B4GALNT4: variants seen among roughly 807,000 people sequenced by gnomAD.
The protein encoded by B4GALNT4 is beta-1,4-N-acetyl-galactosaminyltransferase 4.
B4GALNT4 carries 77 observed loss-of-function variants against 110.0 expected under a neutral mutation model. The observed-to-expected ratio is 0.70, with a 90% CI of 0.58 to 0.85. The LOEUF (loss-of-function observed/expected upper bound fraction) is 0.85. Among genes scored for constraint, B4GALNT4 ranks in the 40% least tolerant of loss-of-function variants. The pLI is 0.00. For synonymous variants in B4GALNT4, 785 were observed against 655.5 expected, an observed-to-expected ratio of 1.20 and a Z score of -3.02; for missense variants, 1,575 against 1,506.0, an observed-to-expected ratio of 1.05 and a Z score of -0.76.
intron 8 of B4GALNT4, 64 bp downstream of exon 8, chr11:373,892 A>G: frequency 1.3e-6 from 2 of 1,515,842 alleles, no homozygotes; most frequent in Non-Finnish European, 1.8e-6. Context: ...CTGCAGGACA[A>G]CCGCAATGGG....
chr11:376,586 C>A lies in B4GALNT4; in HGVS notation c.1463C>A (p.Pro488His), dbSNP rs1274390258. The A allele has an allele frequency of 1.5e-6, 2 of 1,359,576 alleles. No homozygotes were observed. Among genetic ancestry groups the A allele is most frequent in the Non-Finnish European group, 1.9e-6 (2 of 1,064,512 alleles). 84.2% of individuals were successfully genotyped at this position (1,359,576 alleles called of 1,614,324 possible). The change falls in exon 14 of 20, where the codon CCC becomes CAC. Residue 488 changes from proline to histidine, a missense_variant. Pro to His is a moderately conservative substitution (Grantham distance 77, BLOSUM62 -2). Transcript: ENST00000329962. ...TPPRPRDGGT[P>H]RHSRALSWAA... ...CCCCGCCCCCGGGACGGGGGGACCC[C>A]CAGGCACTCCCGGGCCCTGAGCTGG...
At chr11:373,360 C>A in intron 6 of B4GALNT4, 69 bp downstream of exon 6, 1 of 1,573,868 alleles carries the variant, frequency 6.4e-7, no homozygotes, top group Non-Finnish European at 8.7e-7. Context: ...CCACCAGCCT[C>A]TTGGGAATGA....
In B4GALNT4 at chr11:380,409, C is replaced by T; in HGVS notation, c.2833C>T (p.Arg945Cys). Residue 945 changes from arginine to cysteine, a missense_variant, in exon 18 of 20, where the codon CGC (arginine) becomes TGC (cysteine). Physicochemically the swap from Arg to Cys is radical, Grantham distance 180. Transcript: ENST00000329962. The part of the protein sequence containing the change: ...GRLAFAPVVM[R>C]LSCGSSPRDP... ...GCTGGCCTTCGCGCCCGTGGTCATG[C>T]GCCTGAGCTGCGGGAGCTCGCCCCG... 1 of 1,611,254 alleles carries T rather than the reference C, an allele frequency of 6.2e-7. No homozygotes were observed. The highest frequency in any genetic ancestry group is 8.5e-7 in the Non-Finnish European group (1 of 1,179,082).
chr11:370,171 C>T (rs2119630130), intron 1 of B4GALNT4, among the ~76,000 whole-genome samples: 1 of 151,892 alleles, frequency 6.6e-6, no homozygotes, highest in East Asian at 1.9e-4. Flanking sequence ...GGGCGCGGTT[C>T]GGCTCGGCCC....
Position 376,726 on chromosome 11 carries a change from C to T in B4GALNT4, c.1603C>T (p.Arg535Trp), listed in dbSNP as rs761320646. 3.0e-5 allele frequency: 42 copies of T among 1,402,676 alleles called. No individual in the cohort carries two copies. Among genetic ancestry groups the T allele is most frequent in the Non-Finnish European group, 3.6e-5 (39 of 1,084,214 alleles). The allele number at this position is 1,402,676 out of a possible 1,614,324, so 86.9% of individuals were successfully genotyped here. The change falls in exon 14 of 20, where the codon CGG (arginine) becomes TGG (tryptophan). Residue 535 changes from arginine to tryptophan, a missense_variant. Physicochemically the swap from Arg to Trp is moderately radical, Grantham distance 101 (BLOSUM62 -3). Coordinates refer to ENST00000329962, the MANE Select transcript of B4GALNT4 (RefSeq NM_178537.5). ...VYVTRVRPGQRASPRAPAPRA... is the reference protein window; with the variant it reads ...VYVTRVRPGQWASPRAPAPRA... ...CGTGACCAGGGTGCGGCCGGGACAG[C>T]GGGCATCCCCCCGGGCCCCAGCGCC...
Position 376,455 on chromosome 11 carries a change from C to A in B4GALNT4, c.1332C>A (p.Leu444=). The A allele has an allele frequency of 5.6e-6, 9 of 1,595,460 alleles. No individual in the cohort carries two copies. The highest frequency in any genetic ancestry group is 1.1e-5 in the South Asian group (1 of 90,910). The stretch of plus-strand genomic sequence containing the variant: ...ACGACGAGGACGAGGGGGAGCTGCT[C>A]GACAGCCTGGAGCCCACCGAGGCGG... ...FLDDEDEGEL[L]DSLEPTEAAP... Residue 444 remains leucine (L), a synonymous_variant, in exon 14 of 20, where the codon CTC becomes CTA. Transcript: ENST00000329962.
rs370116273 is a variant in B4GALNT4, at chr11:381,829, G to C, written c.*37G>C. 1.3e-6 allele frequency: 2 copies of C among 1,539,160 alleles called. No homozygotes were observed. Among genetic ancestry groups the C allele is most frequent in the Admixed American group, 2.2e-5 (1 of 45,416 alleles). ...CCCTCCCAGCCCCGGTGGGAGTCCC[G>C]AGGCAGCTGCTGGGGGCTGGGCTTT... On this transcript the variant is annotated 3_prime_UTR_variant, in exon 20 of 20. Transcript: ENST00000329962.
chr11:376,685 C>G lies in B4GALNT4; in HGVS notation c.1562C>G (p.Pro521Arg), dbSNP rs781743472. ...CCCCCGCGCCCTGCAGTGGAGCAGC[C>G]GCCCCCAAAGGTGTACGTGACCAGG... ...APPPRPAVEQ[P>R]PPKVYVTRVR... is the part of the protein sequence containing the mutation. Residue 521 changes from proline (P) to arginine (R), a missense_variant, in exon 14 of 20, where the codon CCG becomes CGG. By Grantham distance (103) the Pro-to-Arg change is moderately radical. Coordinates refer to ENST00000329962, the MANE Select transcript of B4GALNT4 (RefSeq NM_178537.5). 9.1e-6 allele frequency: 13 copies of G among 1,428,084 alleles called. No individual in the cohort carries two copies. Among genetic ancestry groups the G allele is most frequent in the Non-Finnish European group, 1.2e-5 (13 of 1,095,510 alleles). 88.5% of individuals were successfully genotyped at this position (1,428,084 alleles called of 1,614,324 possible). A position where few individuals can be genotyped will look rare whatever the true frequency, so the allele number is the denominator to read the frequency against.
At position 382,004 on chromosome 11, in the gene B4GALNT4, C is replaced by T. The variant is rs1449498551; in HGVS notation, c.*212C>T. On this transcript the variant is annotated 3_prime_UTR_variant, in exon 20 of 20. Transcript: ENST00000329962. Reference sequence around the variant, plus strand: ...GGGCCTGGCCTTGGTCCCCACTCTGCGATGATTTCTGTGAAATTTTGCTGT... The same window carrying T: ...GGGCCTGGCCTTGGTCCCCACTCTGTGATGATTTCTGTGAAATTTTGCTGT... 5 of 456,910 alleles carry T rather than the reference C, an allele frequency of 1.1e-5. No individual in the cohort carries two copies. The highest frequency in any genetic ancestry group is 3.9e-5 in the East Asian group (1 of 25,934). The allele number at this position is 456,910 out of a possible 1,614,324, so 28.3% of individuals were successfully genotyped here.
At chr11:373,882 C>T (rs1360407290) in intron 8 of B4GALNT4, 54 bp downstream of exon 8, 2 of 1,566,160 alleles carry the variant, frequency 1.3e-6, no homozygotes, top group South Asian at 1.1e-5. Flanking sequence ...CCCCACCTCC[C>T]TGCAGGACAA....
chr11:377,197 G>C lies in B4GALNT4; in HGVS notation c.2074G>C (p.Asp692His). The change falls in exon 14 of 20, where the codon GAC (aspartate) becomes CAC (histidine). Residue 692 changes from aspartate (D) to histidine (H), a missense_variant. Physicochemically the swap from Asp to His is moderately conservative, Grantham distance 81 (BLOSUM62 -1). Coordinates refer to ENST00000329962, the MANE Select transcript of B4GALNT4 (RefSeq NM_178537.5). The part of the protein sequence containing the change: ...WQRTFSVGAV[D>H]FELLRSDWND... ...GCGCACGTTCAGCGTGGGCGCCGTGGACTTCGAGCTGCTGCGCTCGGACTG... is the reference window on the plus strand; with the variant it reads ...GCGCACGTTCAGCGTGGGCGCCGTGCACTTCGAGCTGCTGCGCTCGGACTG... 2.5e-6 allele frequency: 4 copies of C among 1,590,590 alleles called. No homozygotes were observed. Among genetic ancestry groups the C allele is most frequent in the Non-Finnish European group, 3.4e-6 (4 of 1,169,850 alleles).
chr11:369,978 GC>G, intron 1 of B4GALNT4, 24 bp downstream of exon 1: 1 of 619,034 alleles, frequency 1.6e-6, no homozygotes, highest in Non-Finnish European at 2.0e-6. Flanking sequence ...GGCGCGGGGG[GC>G]GCGGGGGGCG....
rs773596759 is a variant in B4GALNT4 at position 379,738 on chromosome 11, G to C, written c.2488+37G>C. 8.0e-6 allele frequency: 12 copies of C among 1,500,036 alleles called. 1 individual carries two copies. In the South Asian group the frequency reaches 1.6e-4, roughly 20 times the overall value. The allele number at this position is 1,500,036 out of a possible 1,614,324, so 92.9% of individuals were successfully genotyped here. On this transcript the variant is annotated intron_variant, in intron 15 of 19. Transcript: ENST00000329962. ...GGGCTCGGGGTGTCCGGGAGACCTC[G>C]TGGAAGGAACATGGACCCTAATGAC...
At chr11:381,132 C>T (rs1030546064) in intron 19 of B4GALNT4, 181 bp downstream of exon 19, 1 of 985,088 alleles carries the variant, frequency 1.0e-6, no homozygotes, top group African/African-American at 1.8e-5. Context: ...CTTCTGAAAC[C>T]CTGTCCCACC....
chr11:375,512 A>G lies in B4GALNT4; in HGVS notation c.835A>G (p.Ile279Val), dbSNP rs1385810446. The change falls in exon 9 of 20, where the codon ATC becomes GTC. Residue 279 changes from isoleucine (I) to valine (V), a missense_variant. Coordinates refer to ENST00000329962, the MANE Select transcript of B4GALNT4 (RefSeq NM_178537.5). ...GTTCGAGGTCATCAGCTCTGCTCAC[A>G]TCTCCCTGTACACAGGTGCGAGCGG... is the stretch of plus-strand genomic sequence containing the variant. ...LKFEVISSAH[I>V]SLYTDESALK... The G allele has an allele frequency of 6.2e-7, 1 of 1,611,376 alleles. No individual in the cohort carries two copies. The highest frequency in any genetic ancestry group is 8.5e-7 in the Non-Finnish European group (1 of 1,179,768).
At chr11:380,535 C>T (rs1364805170) in intron 18 of B4GALNT4, 90 bp downstream of exon 18, 6 of 1,498,082 alleles carry the variant, frequency 4.0e-6, no homozygotes, top group Non-Finnish European at 5.4e-6. Context: ...TCTCAATTCC[C>T]AGGGGAGGCC....
rs756287830 is a variant in B4GALNT4 at position 372,645 on chromosome 11, C to G, written c.256-17C>G. On this transcript the variant is annotated splice_polypyrimidine_tract_variant and intron_variant, in intron 2 of 19. Coordinates refer to ENST00000329962, the MANE Select transcript of B4GALNT4 (RefSeq NM_178537.5). ...TGCCCTTCCAACCCTGACCCTGTTG[C>G]CTTTTCTCTCCTGCAGCCCGAAGGT... The G allele has an allele frequency of 1.2e-6, 2 of 1,607,156 alleles. No homozygotes were observed. Among genetic ancestry groups the G allele is most frequent in the African/African-American group, 1.3e-5 (1 of 74,774 alleles).
chr11:379,749 A>G (rs369460887), intron 15 of B4GALNT4, 48 bp downstream of exon 15: 2 of 1,502,758 alleles, frequency 1.3e-6, no homozygotes, highest in African/African-American at 2.8e-5. Flanking sequence ...TGGAAGGAAC[A>G]TGGACCCTAA....
Position 376,552 on chromosome 11 carries a change from C to T in B4GALNT4, c.1429C>T (p.Pro477Ser). The T allele has an allele frequency of 1.5e-6, 2 of 1,377,126 alleles. No individual in the cohort carries two copies. Among genetic ancestry groups the T allele is most frequent in the East Asian group, 3.1e-5 (1 of 32,178 alleles). The allele number at this position is 1,377,126 out of a possible 1,614,324, so 85.3% of individuals were successfully genotyped here. A position where few individuals can be genotyped will look rare whatever the true frequency, so the allele number is the denominator to read the frequency against. Reference sequence around the variant, plus strand: ...CCAGCCCGGAGCCACCCTCGCCCCGCCGACCCCTCCCCGCCCCCGGGACGG... The same window carrying T: ...CCAGCCCGGAGCCACCCTCGCCCCGTCGACCCCTCCCCGCCCCCGGGACGG... ...PAQPGATLAP[P>S]TPPRPRDGGT... Residue 477 changes from proline (P) to serine (S), a missense_variant, in exon 14 of 20, where the codon CCG becomes TCG. Coordinates refer to ENST00000329962, the MANE Select transcript of B4GALNT4 (RefSeq NM_178537.5).
Sources: allele counts gnomAD v4.1 joint callset (sites outside exome capture counted in the v4.1 genomes callset), GRCh38; gene constraint gnomAD v4.1.1; transcripts MANE v1.5; gene names NCBI Gene and HGNC (gene_info 2026-07-23, HGNC 2026-07-21).